RGS6: variants seen among roughly 807,000 people sequenced by gnomAD.
RGS6 encodes regulator of G-protein signaling 6.
In RGS6, 30 loss-of-function variants were observed where a neutral mutation model predicts 78.5. The ratio of observed to expected loss-of-function variants is 0.38; its 90% CI spans 0.29 to 0.52. RGS6 has a LOEUF of 0.52. RGS6 is among the 20% of genes least tolerant of loss of function. The pLI, the probability that RGS6 is intolerant of heterozygous loss-of-function variation, is 0.85. For missense variants in RGS6, 495 were observed against 609.7 expected, an observed-to-expected ratio of 0.81 and a Z score of 1.98; for synonymous variants, 206 against 206.0, an observed-to-expected ratio of 1.00 and a Z score of 0.00.
At chr14:72,373,878 A>G (rs1246856439) in intron 3 of RGS6, among the ~76,000 whole-genome samples, 1 of 152,144 alleles carries the variant, frequency 6.6e-6, no homozygotes, top group East Asian at 1.9e-4. Context: ...GTTTTATAAT[A>G]CAAATATATA....
At chr14:72,524,498 T>A (rs74444791) in intron 15 of RGS6, among the ~76,000 whole-genome samples, 5,020 of 152,298 alleles carry the variant, frequency 0.033, 287 homozygotes, top group African/African-American at 0.11. Flanking sequence ...AGGCTCTAGA[T>A]GAGATAGAAA....
chr14:72,157,135 T>A (rs1238748521), intron 2 of RGS6, among the ~76,000 whole-genome samples: 2 of 152,134 alleles, frequency 1.3e-5, no homozygotes, highest in Non-Finnish European at 2.9e-5. Flanking sequence ...TTGAATTAGG[T>A]GATGTCTCTA....
chr14:72,178,566 G>A (rs560943137), intron 2 of RGS6, among the ~76,000 whole-genome samples: 71 of 152,334 alleles, frequency 4.7e-4, no homozygotes, highest in Admixed American at 2.3e-3. Context: ...TCAGGGCCAG[G>A]TCAGTTTGTC....
At chr14:72,493,624 C>T (rs2096607024) in intron 12 of RGS6, among the ~76,000 whole-genome samples, 2 of 152,000 alleles carry the variant, frequency 1.3e-5, no homozygotes, top group Admixed American at 1.3e-4. Context: ...TAGTAAATAA[C>T]AACAACCAGC....
chr14:72,356,969 A>G (rs905129605), intron 3 of RGS6, among the ~76,000 whole-genome samples: 1 of 152,266 alleles, frequency 6.6e-6, no homozygotes, highest in Non-Finnish European at 1.5e-5. Flanking sequence ...TGCTGTAAAG[A>G]TACTTGAAAA....
intron 2 of RGS6, among the ~76,000 whole-genome samples, chr14:72,231,164 C>T (rs1057021323): frequency 2.0e-5 from 3 of 152,148 alleles, no homozygotes; most frequent in African/African-American, 7.2e-5. Context: ...TGTGGCTGGA[C>T]TGAGAAGTTA....
the RGS6 span, among the ~76,000 whole-genome samples, chr14:72,625,549 A>G: frequency 3.3e-5 from 5 of 152,276 alleles, no homozygotes; most frequent in South Asian, 1.0e-3. Context: ...TCTTTTTATG[A>G]GAGAATGGTG....
At chr14:72,530,274 G>A (rs59105163) in intron 15 of RGS6, among the ~76,000 whole-genome samples, 3,004 of 152,286 alleles carry the variant, frequency 0.02, 71 homozygotes, top group South Asian at 0.087. Context: ...ACTATGATAG[G>A]CTTTTCCAGA....
Position 71,936,015 on chromosome 14 carries a change from G to GAGATATATATATATATATATATAT in RGS6, c.-21+3075_-21+3076insGATATATATATATATATATATATA, listed in dbSNP as rs751624395. ...TCTCTTAGAGGGACAGAACTAATAG[G>GAGATATATATATATATATATATAT]ATATATATATATATATATATATATA... On this transcript the variant is annotated intron_variant, in intron 1 of 17. Coordinates refer to ENST00000553525, the MANE Select transcript of RGS6 (RefSeq NM_001204424.2). 4.1e-4 allele frequency among the ~76,000 whole-genome samples: 26 copies of GAGATATATATATATATATATATAT among 63,764 alleles called. 1 individual carries two copies. Among genetic ancestry groups the GAGATATATATATATATATATATAT allele is most frequent in the African/African-American group, 1.2e-3 (22 of 19,110 alleles). The allele number at this position is 63,764 out of a possible 152,430, so 41.8% of individuals were successfully genotyped here. A position where few individuals can be genotyped will look rare whatever the true frequency, so the allele number is the denominator to read the frequency against.
At chr14:72,432,807 C>T (rs2094708670) in intron 3 of RGS6, among the ~76,000 whole-genome samples, 1 of 152,092 alleles carries the variant, frequency 6.6e-6, no homozygotes, top group Non-Finnish European at 1.5e-5. Context: ...ATTCTATGAC[C>T]CCAGGACCAT....
chr14:72,325,391 C>T (rs2073445516), intron 2 of RGS6, among the ~76,000 whole-genome samples: 1 of 152,126 alleles, frequency 6.6e-6, no homozygotes, highest in African/African-American at 2.4e-5. Context: ...GCTTTTGTTG[C>T]CGTTGCTTTT....
chr14:72,179,285 G>A (rs563382073), intron 2 of RGS6, among the ~76,000 whole-genome samples: 1 of 152,134 alleles, frequency 6.6e-6, no homozygotes. Flanking sequence ...GTGGGATGGG[G>A]CATGCTGGGA....
chr14:71,909,619 A>AG, the RGS6 span, among the ~76,000 whole-genome samples: 6 of 40,420 alleles, frequency 1.5e-4, no homozygotes, highest in Admixed American at 4.1e-4. Flanking sequence ...AAGGAGAGAG[A>AG]GGGGGGAAAG....
chr14:72,156,481 G>A (rs1279419144), intron 2 of RGS6, among the ~76,000 whole-genome samples: 3 of 150,004 alleles, frequency 2.0e-5, no homozygotes, highest in East Asian at 2.0e-4. Flanking sequence ...AAAAAAAATA[G>A]TGGTGGCCAA....
At chr14:72,042,558 C>G (rs567784352) in intron 2 of RGS6, among the ~76,000 whole-genome samples, 1 of 152,210 alleles carries the variant, frequency 6.6e-6, no homozygotes, top group African/African-American at 2.4e-5. Flanking sequence ...TTGTATGTAT[C>G]TGTATAATGT....
chr14:72,310,989 G>T (rs190054714), intron 2 of RGS6, among the ~76,000 whole-genome samples: 4 of 152,290 alleles, frequency 2.6e-5, no homozygotes, highest in African/African-American at 9.6e-5. Flanking sequence ...AAGAAAACAG[G>T]GTCCTGCTGT....
chr14:72,106,799 G>T (rs60019730), intron 2 of RGS6, among the ~76,000 whole-genome samples: 1,568 of 152,262 alleles, frequency 0.01, 17 homozygotes, highest in African/African-American at 0.036. Context: ...GATTTTGCTG[G>T]TTGTGTACTC....
At chr14:71,934,833 C>T (rs1179451424) in intron 1 of RGS6, among the ~76,000 whole-genome samples, 1 of 152,162 alleles carries the variant, frequency 6.6e-6, no homozygotes, top group African/African-American at 2.4e-5. Context: ...TGCATTTTAT[C>T]CCCTGAACTC....
chr14:72,112,293 C>T (rs532449218), intron 2 of RGS6, among the ~76,000 whole-genome samples: 3 of 152,252 alleles, frequency 2.0e-5, no homozygotes, highest in Admixed American at 1.3e-4. Context: ...TCATGCAGTT[C>T]GTTGGTGGTG....
Sources: gnomAD v4.1 joint callset for allele counts (sites outside exome capture counted in the v4.1 genomes callset) on GRCh38, gnomAD v4.1.1 for gene constraint, MANE v1.5 for transcripts, NCBI Gene and HGNC (gene_info 2026-07-23, HGNC 2026-07-21) for gene names.